GMDS: variants seen among roughly 807,000 people sequenced by gnomAD.
GMDS encodes the protein GDP-mannose 4,6 dehydratase.
GMDS carries 20 observed loss-of-function variants against 49.9 expected under a neutral mutation model. The observed-to-expected ratio is 0.40, with a 90% CI of 0.28 to 0.58. GMDS has a LOEUF of 0.58. GMDS is among the 20% of genes least tolerant of loss of function. The pLI is 0.42. For synonymous variants in GMDS, 177 were observed against 178.6 expected (o/e 0.99, Z 0.07); for missense variants, 362 against 481.4 (o/e 0.75, Z 2.32).
chr6:2,006,828 T>G (rs1236724602), intron 4 of GMDS, among the ~76,000 whole-genome samples: 2 of 152,232 alleles, frequency 1.3e-5, no homozygotes, highest in African/African-American at 4.8e-5. Context: ...ATATACGAAG[T>G]TTTGCAAACA....
chr6:1,670,032 T>G (rs1764366673), intron 9 of GMDS, among the ~76,000 whole-genome samples: 1 of 149,240 alleles, frequency 6.7e-6, no homozygotes, highest in Middle Eastern at 3.2e-3. Flanking sequence ...CTGGGTGGGC[T>G]CCATAGGAAC....
intron 7 of GMDS, among the ~76,000 whole-genome samples, chr6:1,884,243 G>A (rs997549979): frequency 1.3e-5 from 2 of 152,124 alleles, no homozygotes; most frequent in African/African-American, 4.8e-5. Flanking sequence ...AACTTCCCTT[G>A]GGAGAATTAT....
At chr6:2,119,145 T>C (rs1357058599) in intron 2 of GMDS, among the ~76,000 whole-genome samples, 1 of 152,194 alleles carries the variant, frequency 6.6e-6, no homozygotes, top group Non-Finnish European at 1.5e-5. Flanking sequence ...AATAGTGTTA[T>C]TTCGGCTATC....
At chr6:2,213,274 A>G (rs917480063) in intron 1 of GMDS, among the ~76,000 whole-genome samples, 1 of 152,188 alleles carries the variant, frequency 6.6e-6, no homozygotes, top group African/African-American at 2.4e-5. Context: ...AGTTGGTGAA[A>G]CCTGGCAGTG....
In GMDS at chr6:1,766,622, T is replaced by C; in HGVS notation, c.772-24036A>G. ...CAGTGCCTCCGGAGCCCAGGGAAGC[T>C]CACCTCAGGCAGCCTGCAGAGGCTC... On this transcript the variant is annotated intron_variant, in intron 7 of 10. Coordinates refer to ENST00000380815, the MANE Select transcript of GMDS (RefSeq NM_001500.4). The surrounding 1 kb of genome is among the most constrained non-coding windows in gnomAD (Gnocchi z 4.5). Among the ~76,000 whole-genome samples the C allele has an allele frequency of 6.6e-6, 1 of 152,100 alleles. No homozygotes were observed. Among genetic ancestry groups the C allele is most frequent in the Middle Eastern group, 3.2e-3 (1 of 316 alleles).
At chr6:1,826,944 G>GT (rs1771137658) in intron 7 of GMDS, among the ~76,000 whole-genome samples, 1 of 151,998 alleles carries the variant, frequency 6.6e-6, no homozygotes, top group Admixed American at 6.6e-5. Context: ...GCATGTACCT[G>GT]TAGTCCTAGC....
At chr6:1,751,213 T>A (rs1409562283) in intron 7 of GMDS, among the ~76,000 whole-genome samples, 1 of 152,198 alleles carries the variant, frequency 6.6e-6, no homozygotes, top group Non-Finnish European at 1.5e-5. Flanking sequence ...GCACAACACT[T>A]GAGCTCTGCT....
At chr6:1,988,493 GGTGCTCCAGAGT>G (rs1765705273) in intron 4 of GMDS, among the ~76,000 whole-genome samples, 2 of 152,082 alleles carry the variant, frequency 1.3e-5, no homozygotes, top group Admixed American at 6.5e-5. Context: ...CCAAACCCAG[GGTGCTCCAGAGT>G]GTGCTCCAAT....
intron 4 of GMDS, among the ~76,000 whole-genome samples, chr6:2,019,595 A>G (rs1768137700): frequency 6.6e-6 from 1 of 152,004 alleles, no homozygotes; most frequent in Admixed American, 6.6e-5. Flanking sequence ...GATTACAGGC[A>G]CCCACCATCA....
intron 4 of GMDS, among the ~76,000 whole-genome samples, chr6:2,064,522 G>A (rs1248480857): frequency 6.6e-6 from 1 of 152,156 alleles, no homozygotes; most frequent in Non-Finnish European, 1.5e-5. Flanking sequence ...TTGTGTCCAT[G>A]TGAAGGGAAA....
At chr6:2,174,012 AATACATT>A (rs1045884085) in intron 1 of GMDS, among the ~76,000 whole-genome samples, 13 of 152,346 alleles carry the variant, frequency 8.5e-5, no homozygotes, top group East Asian at 7.7e-4. Flanking sequence ...CCTCGATCCC[AATACATT>A]ATAATTATTG....
chr6:1,765,390 A>G (rs1191153440), intron 7 of GMDS, among the ~76,000 whole-genome samples: 2 of 152,184 alleles, frequency 1.3e-5, no homozygotes, highest in Non-Finnish European at 2.9e-5. Context: ...CAACCCATTA[A>G]CAAGCACTGA....
At chr6:1,663,932 T>A (rs1019443746) in intron 9 of GMDS, among the ~76,000 whole-genome samples, 2 of 152,174 alleles carry the variant, frequency 1.3e-5, no homozygotes, top group African/African-American at 4.8e-5. Flanking sequence ...TGTTGTAATT[T>A]GTTGGAATAA....
intron 1 of GMDS, among the ~76,000 whole-genome samples, chr6:2,169,616 G>C (rs1033498923): frequency 2.9e-5 from 4 of 136,768 alleles, no homozygotes; most frequent in Non-Finnish European, 1.5e-5. Flanking sequence ...AAAGCCACCA[G>C]GCAGCAAAAA....
At chr6:2,101,760 C>A (rs532045959) in intron 4 of GMDS, among the ~76,000 whole-genome samples, 2 of 152,056 alleles carry the variant, frequency 1.3e-5, no homozygotes, top group Non-Finnish European at 2.9e-5. Context: ...ACCATTAACA[C>A]TTCATTGAAA....
chr6:1,888,006 C>T (rs908860879), intron 7 of GMDS, among the ~76,000 whole-genome samples: 4 of 151,988 alleles, frequency 2.6e-5, no homozygotes, highest in African/African-American at 9.7e-5. Context: ...TGGAGTGTAA[C>T]GGTGCAATCA....
At chr6:1,814,473 AC>A (rs548120721) in intron 7 of GMDS, among the ~76,000 whole-genome samples, 134 of 152,192 alleles carry the variant, frequency 8.8e-4, no homozygotes, top group African/African-American at 3.1e-3. Flanking sequence ...CCTCAGGACC[AC>A]CCACACTGTA....
At chr6:1,959,115 T>C (rs1175125411) in intron 6 of GMDS, among the ~76,000 whole-genome samples, 1 of 152,226 alleles carries the variant, frequency 6.6e-6, no homozygotes, top group Non-Finnish European at 1.5e-5. Context: ...GGGAGATTTC[T>C]TAAAGAATAT....
rs1763067346 is a variant in GMDS at position 1,633,805 on chromosome 6, G to A, written c.988-9265C>T. Among the ~76,000 whole-genome samples, 4 of 152,264 alleles carry A rather than the reference G, an allele frequency of 2.6e-5. No individual in the cohort carries two copies. The South Asian group carries it at 8.3e-4, about 32-fold the overall frequency. On this transcript the variant is annotated intron_variant, in intron 9 of 10. Transcript: ENST00000380815. ...GGCAGGCACTGTTGGCCTCCCGGGT[G>A]GTTTCTGCCATGGAGCCCAGGCCTT...
Sources: gnomAD v4.1 joint callset for allele counts (sites outside exome capture counted in the v4.1 genomes callset) on GRCh38, gnomAD v4.1.1 for gene constraint, Gnocchi (gnomAD v3.1) non-coding constraint, MANE v1.5 for transcripts, NCBI Gene and HGNC (gene_info 2026-07-23, HGNC 2026-07-21) for gene names.